CA10: variants seen among roughly 807,000 people sequenced by gnomAD.
The protein encoded by CA10 is carbonic anhydrase 10 (inactive), also known as carbonic anhydrase-related protein 10.
Under a neutral mutation model 44.2 loss-of-function variants are expected in CA10, and 14 were observed. The observed-to-expected ratio is 0.32, with a 90% CI of 0.21 to 0.50. The LOEUF (loss-of-function observed/expected upper bound fraction) is 0.50, where lower values mean the gene tolerates loss of function less well. CA10 is among the 20% of genes least tolerant of loss of function. CA10 has a pLI of 0.99. For synonymous variants in CA10, 159 were observed against 141.6 expected, an observed-to-expected ratio of 1.12 and a Z score of -0.87; for missense variants, 350 against 409.7, an observed-to-expected ratio of 0.85 and a Z score of 1.26.
intron 3 of CA10, among the ~76,000 whole-genome samples, chr17:51,902,588 T>C (rs1179243794): frequency 6.6e-6 from 1 of 152,148 alleles, no homozygotes; most frequent in South Asian, 2.1e-4. Context: ...AACTCAGTGC[T>C]TTCTTCCATG....
At chr17:51,800,258 C>T (rs149776212) in intron 3 of CA10, among the ~76,000 whole-genome samples, 5 of 152,102 alleles carry the variant, frequency 3.3e-5, no homozygotes, top group Non-Finnish European at 7.4e-5. Flanking sequence ...CAAACGGCTA[C>T]GTATGATTCC....
chr17:52,079,795 C>T (rs2143166416), intron 1 of CA10, among the ~76,000 whole-genome samples: 1 of 152,312 alleles, frequency 6.6e-6, no homozygotes, highest in East Asian at 1.9e-4. Context: ...CAATGTGTTT[C>T]ATTTAAAAGC....
In CA10 at chr17:51,998,568, C is replaced by G. The variant is rs566054256; in HGVS notation, c.137-67436G>C. On this transcript the variant is annotated intron_variant, in intron 2 of 8. Coordinates refer to ENST00000451037, the MANE Select transcript of CA10 (RefSeq NM_020178.5). ...ATTAATTAAAAGATAATGCTCTAAACTCTGGCAGTACCCCTTTTCACTGTG... is the reference window on the plus strand; with the variant it reads ...ATTAATTAAAAGATAATGCTCTAAAGTCTGGCAGTACCCCTTTTCACTGTG... Among the ~76,000 whole-genome samples the G allele has an allele frequency of 5.3e-5, 8 of 152,158 alleles. No homozygotes were observed. The South Asian group carries it at 1.7e-3, about 32-fold the overall frequency.
intron 4 of CA10, among the ~76,000 whole-genome samples, chr17:51,670,665 CTT>C (rs1382125871): frequency 6.6e-6 from 1 of 152,132 alleles, no homozygotes; most frequent in Non-Finnish European, 1.5e-5. Flanking sequence ...GTGCTTGTCT[CTT>C]ATATCCACAA....
At chr17:51,746,978 T>C (rs1904711275) in intron 4 of CA10, among the ~76,000 whole-genome samples, 1 of 152,190 alleles carries the variant, frequency 6.6e-6, no homozygotes, top group Non-Finnish European at 1.5e-5. Context: ...CCCTCCAGTA[T>C]AACGGGGGTA....
chr17:52,007,420 C>T (rs1176281811), intron 2 of CA10, among the ~76,000 whole-genome samples: 1 of 151,236 alleles, frequency 6.6e-6, no homozygotes, highest in East Asian at 1.9e-4. Context: ...ATCCTTAGGT[C>T]GATAAGAATT....
At chr17:51,713,733 A>T (rs941169019) in intron 4 of CA10, among the ~76,000 whole-genome samples, 4 of 152,172 alleles carry the variant, frequency 2.6e-5, no homozygotes, top group African/African-American at 7.2e-5. Context: ...CCTGGGGGGC[A>T]CCAATCCTGG....
At chr17:51,901,009 T>A (rs917612736) in intron 3 of CA10, among the ~76,000 whole-genome samples, 8 of 152,198 alleles carry the variant, frequency 5.3e-5, no homozygotes, top group African/African-American at 1.9e-4. Flanking sequence ...TTAATGTCTG[T>A]CATTTCGGCC....
intron 3 of CA10, among the ~76,000 whole-genome samples, chr17:51,848,794 C>G (rs575498932): frequency 6.6e-6 from 1 of 152,156 alleles, no homozygotes; most frequent in Non-Finnish European, 1.5e-5. Context: ...TGCCTGCAAT[C>G]CCAGTACTTT....
intron 2 of CA10, among the ~76,000 whole-genome samples, chr17:52,000,076 G>T (rs537576126): frequency 7.9e-5 from 12 of 152,130 alleles, no homozygotes; most frequent in African/African-American, 2.4e-4. Flanking sequence ...TTTCTGTTCA[G>T]ATAATTCACA....
At chr17:51,909,350 T>C (rs1471106673) in intron 3 of CA10, among the ~76,000 whole-genome samples, 1 of 152,160 alleles carries the variant, frequency 6.6e-6, no homozygotes, top group Non-Finnish European at 1.5e-5. Context: ...TCACTATTTA[T>C]CTGAAGACCG....
At chr17:52,028,582 G>A (rs1986370365) in intron 2 of CA10, among the ~76,000 whole-genome samples, 1 of 152,176 alleles carries the variant, frequency 6.6e-6, no homozygotes, top group Non-Finnish European at 1.5e-5. Flanking sequence ...CCTCCCAAAA[G>A]AAGATTCTAC....
chr17:51,956,529 GA>G lies in CA10; in HGVS notation c.137-25398del, dbSNP rs528417635. On this transcript the variant is annotated intron_variant, in intron 2 of 8. Transcript: ENST00000451037. ...CAAAAATAATTGTCTTCAACAGATA[GA>G]AATTTTAGCTTCTCATTTGTTTTTT... Among the ~76,000 whole-genome samples, 71 of 152,226 alleles carry G rather than the reference GA, an allele frequency of 4.7e-4. No homozygotes were observed. The East Asian group carries it at 0.013, about 29-fold the overall frequency.
At chr17:51,738,065 T>C (rs116587435) in intron 4 of CA10, among the ~76,000 whole-genome samples, 1,682 of 152,314 alleles carry the variant, frequency 0.011, 21 homozygotes, top group African/African-American at 0.038. Context: ...ACCATAAATC[T>C]AAGGCTTCCA....
At chr17:51,772,908 C>G (rs911530164) in intron 3 of CA10, among the ~76,000 whole-genome samples, 1 of 152,166 alleles carries the variant, frequency 6.6e-6, no homozygotes, top group Non-Finnish European at 1.5e-5. Flanking sequence ...GGGAGACAGC[C>G]TTTTGATGTC....
At chr17:51,641,217 A>T (rs1171041111) in intron 6 of CA10, among the ~76,000 whole-genome samples, 1 of 151,712 alleles carries the variant, frequency 6.6e-6, no homozygotes, top group Non-Finnish European at 1.5e-5. Context: ...CATATGAGAA[A>T]ATAGCTTATA....
chr17:52,122,437 AT>A (rs766296838), intron 1 of CA10, among the ~76,000 whole-genome samples: 19 of 152,000 alleles, frequency 1.3e-4, no homozygotes, highest in African/African-American at 4.3e-4. Context: ...TTCATCATGG[AT>A]TTTTTTTGCA....
intron 2 of CA10, among the ~76,000 whole-genome samples, chr17:51,976,397 A>G (rs951515186): frequency 2.0e-5 from 3 of 152,310 alleles, no homozygotes; most frequent in Admixed American, 6.5e-5. Flanking sequence ...CAATAATCAC[A>G]TAGATTGCAT....
chr17:52,006,058 G>C (rs1385865669), intron 2 of CA10, among the ~76,000 whole-genome samples: 4 of 151,876 alleles, frequency 2.6e-5, no homozygotes, highest in Admixed American at 6.6e-5. Context: ...AAGGTAATGA[G>C]ATGGCCAAAG....
Sources: allele counts gnomAD v4.1 joint callset (sites outside exome capture counted in the v4.1 genomes callset), GRCh38; gene constraint gnomAD v4.1.1; transcripts MANE v1.5; gene names NCBI Gene and HGNC (gene_info 2026-07-23, HGNC 2026-07-21).